The following PHACTR1 variants were observed in gnomAD, a reference collection of about 807,000 sequenced individuals.
PHACTR1 encodes the protein phosphatase and actin regulator 1.
A neutral mutation model predicts 69.2 loss-of-function variants in PHACTR1; 16 were observed. That is an observed-to-expected ratio of 0.23 (90% CI 0.16 to 0.35). PHACTR1 has a LOEUF of 0.35. PHACTR1 is among the 10% of genes least tolerant of loss of function. The pLI is 1.00. For synonymous variants in PHACTR1, 312 were observed against 284.5 expected, an observed-to-expected ratio of 1.10 and a Z score of -0.97; for missense variants, 510 against 734.7, an observed-to-expected ratio of 0.69 and a Z score of 3.54.
chr6:13,204,384 G>A (rs9473677), intron 7 of PHACTR1, among the ~76,000 whole-genome samples: 4,239 of 151,360 alleles, frequency 0.028, 200 homozygotes, highest in African/African-American at 0.095. Flanking sequence ...TCCCCAACAC[G>A]GGGTGCCAGT....
At chr6:13,048,241 G>A (rs910399930) in intron 4 of PHACTR1, among the ~76,000 whole-genome samples, 1 of 152,196 alleles carries the variant, frequency 6.6e-6, no homozygotes, top group Non-Finnish European at 1.5e-5. Flanking sequence ...CAGCTGCCCA[G>A]CTTCCAACGT....
intron 4 of PHACTR1, among the ~76,000 whole-genome samples, chr6:12,953,366 T>TCTC (rs1181002937): frequency 2.0e-5 from 3 of 152,068 alleles, no homozygotes; most frequent in Non-Finnish European, 4.4e-5. Context: ...GCTACAATAT[T>TCTC]CTCATTCTAC....
At chr6:12,920,929 A>G (rs1056748300) in intron 4 of PHACTR1, among the ~76,000 whole-genome samples, 6 of 152,246 alleles carry the variant, frequency 3.9e-5, no homozygotes, top group South Asian at 2.1e-4. Context: ...TCATTTAGCT[A>G]TAAGTCAGCC....
At chr6:13,191,074 C>CT (rs1763516738) in intron 7 of PHACTR1, among the ~76,000 whole-genome samples, 1 of 152,136 alleles carries the variant, frequency 6.6e-6, no homozygotes, top group Admixed American at 6.5e-5. Context: ...GATGCTCTCT[C>CT]TCCCCCATTG....
chr6:13,054,840 A>G (rs557316116), intron 5 of PHACTR1, among the ~76,000 whole-genome samples: 118 of 152,314 alleles, frequency 7.7e-4, no homozygotes, highest in African/African-American at 2.8e-3. Flanking sequence ...TCACGTGTCC[A>G]GTCATTGCCA....
intron 5 of PHACTR1, among the ~76,000 whole-genome samples, chr6:13,131,242 C>G (rs1181473323): frequency 1.5e-5 from 2 of 134,322 alleles, no homozygotes; most frequent in Non-Finnish European, 3.3e-5. Context: ...CACACACACA[C>G]ACACCATGGA....
rs115327386 is a variant in PHACTR1, at chr6:12,908,187, C to T, written c.251-145178C>T. 2.9e-3 allele frequency among the ~76,000 whole-genome samples: 436 copies of T among 152,324 alleles called. 2 individuals are homozygous for T. Among genetic ancestry groups the T allele is most frequent in the African/African-American group, 9.7e-3 (402 of 41,568 alleles). ...AGAATCGCACCTGGGCCTGGTAGAA[C>T]AAGCCCAAATCCTTTCTCATAGGAC... On this transcript the variant is annotated intron_variant, in intron 4 of 14. Transcript: ENST00000332995.
intron 7 of PHACTR1, among the ~76,000 whole-genome samples, chr6:13,199,383 CAAAAAAAAAAA>C (rs59070503): frequency 3.5e-4 from 27 of 78,254 alleles, no homozygotes; most frequent in South Asian, 7.5e-4. Flanking sequence ...GAGTCCATCT[CAAAAAAAAAAA>C]AAAAAAAAAA....
intron 4 of PHACTR1, among the ~76,000 whole-genome samples, chr6:13,001,889 A>T (rs779058992): frequency 1.3e-5 from 2 of 152,218 alleles, no homozygotes; most frequent in Non-Finnish European, 2.9e-5. Flanking sequence ...GGTGACTGAC[A>T]AGTGATTACT....
chr6:13,227,698 TG>T lies in PHACTR1; in HGVS notation c.987-117del, dbSNP rs1281587586. On this transcript the variant is annotated intron_variant, in intron 8 of 14. Transcript: ENST00000332995. ...GTAAGATGAGCAATGGAACTTTACTTGCCCAGTAGACCCTTTGTCTCTTAGG... is the reference window on the plus strand; with the variant it reads ...GTAAGATGAGCAATGGAACTTTACTTCCCAGTAGACCCTTTGTCTCTTAGG... 112 of 1,334,708 alleles carry T rather than the reference TG, an allele frequency of 8.4e-5. No homozygotes were observed. The African/African-American group carries it at 1.5e-3, about 18-fold the overall frequency. 82.7% of individuals were successfully genotyped at this position (1,334,708 alleles called of 1,614,324 possible). A position where few individuals can be genotyped will look rare whatever the true frequency, so the allele number is the denominator to read the frequency against.
chr6:13,131,108 C>T (rs1820331354), intron 5 of PHACTR1, among the ~76,000 whole-genome samples: 1 of 151,556 alleles, frequency 6.6e-6, no homozygotes, highest in South Asian at 2.1e-4. Context: ...ATTCCAGCAT[C>T]CCTTTATGAT....
chr6:12,812,459 A>G (rs1049344269), intron 4 of PHACTR1, among the ~76,000 whole-genome samples: 3 of 152,220 alleles, frequency 2.0e-5, no homozygotes, highest in African/African-American at 7.2e-5. Context: ...TATTAACCCT[A>G]TGTTGCTGAT....
intron 5 of PHACTR1, among the ~76,000 whole-genome samples, chr6:13,074,989 T>G (rs1358103147): frequency 6.6e-6 from 1 of 152,204 alleles, no homozygotes; most frequent in Non-Finnish European, 1.5e-5. Context: ...GAAAGAAACA[T>G]TTGAGTGTGG....
chr6:12,753,964 ATATATATT>A (rs1766947257), intron 4 of PHACTR1, among the ~76,000 whole-genome samples: 1 of 37,446 alleles, frequency 2.7e-5, no homozygotes, highest in South Asian at 4.3e-4. Context: ...ATATATATAT[ATATATATT>A]TTTTTTTTGA....
intron 5 of PHACTR1, among the ~76,000 whole-genome samples, chr6:13,114,429 G>A (rs904959825): frequency 2.0e-5 from 3 of 152,060 alleles, no homozygotes; most frequent in Non-Finnish European, 4.4e-5. Flanking sequence ...CTGCAGCATC[G>A]AGTCAACCCT....
At chr6:13,032,943 G>A (rs1802684315) in intron 4 of PHACTR1, among the ~76,000 whole-genome samples, 1 of 152,040 alleles carries the variant, frequency 6.6e-6, no homozygotes, top group Non-Finnish European at 1.5e-5. Context: ...GTTATTTTTA[G>A]TTTTGGTCAA....
At chr6:12,830,065 A>AGGG (rs1777285718) in intron 4 of PHACTR1, among the ~76,000 whole-genome samples, 1 of 137,026 alleles carries the variant, frequency 7.3e-6, no homozygotes, top group African/African-American at 2.8e-5. Context: ...GGAAGGAAGG[A>AGGG]AAAGAAAGAA....
At chr6:13,073,731 C>A in intron 5 of PHACTR1, among the ~76,000 whole-genome samples, 1 of 152,058 alleles carries the variant, frequency 6.6e-6, no homozygotes, top group Non-Finnish European at 1.5e-5. Context: ...GAGGAATAAA[C>A]CATTGAGAGA....
At chr6:12,927,748 T>C (rs753979942) in intron 4 of PHACTR1, among the ~76,000 whole-genome samples, 5 of 152,206 alleles carry the variant, frequency 3.3e-5, no homozygotes, top group Admixed American at 6.5e-5. Flanking sequence ...GAATCTAAAG[T>C]GTTTTTATAG....
Sources: allele counts gnomAD v4.1 joint callset (sites outside exome capture counted in the v4.1 genomes callset), GRCh38; gene constraint gnomAD v4.1.1; transcripts MANE v1.5; gene names NCBI Gene and HGNC (gene_info 2026-07-23, HGNC 2026-07-21).